The following MYO3B variants were observed in gnomAD, a reference collection of about 807,000 sequenced individuals.
MYO3B encodes the protein myosin-IIIb.
In MYO3B, 156 loss-of-function variants were observed where a neutral mutation model predicts 174.6. That is an observed-to-expected ratio of 0.89 (90% CI 0.78 to 1.02). The LOEUF (loss-of-function observed/expected upper bound fraction) is 1.02. Ranked by LOEUF, MYO3B falls within the 50% of genes least tolerant of loss-of-function variation. The pLI is 0.00. For missense variants in MYO3B, 1,632 were observed against 1,639.4 expected, an observed-to-expected ratio of 1.00 and a Z score of 0.08; for synonymous variants, 563 against 569.1, an observed-to-expected ratio of 0.99 and a Z score of 0.15.
chr2:170,254,692 T>C (rs1410202949), intron 7 of MYO3B, among the ~76,000 whole-genome samples: 1 of 152,136 alleles, frequency 6.6e-6, no homozygotes, highest in East Asian at 1.9e-4. Context: ...TGAGCTGAGA[T>C]CTGTGGCCAG....
intron 3 of MYO3B, among the ~76,000 whole-genome samples, chr2:170,210,081 C>G (rs966178570): frequency 1.3e-5 from 2 of 152,084 alleles, no homozygotes; most frequent in African/African-American, 4.8e-5. Context: ...TTTATTTTGC[C>G]AAACGATGAC....
At chr2:170,516,516 A>G (rs572819276) in intron 29 of MYO3B, among the ~76,000 whole-genome samples, 102 of 151,890 alleles carry the variant, frequency 6.7e-4, no homozygotes, top group African/African-American at 2.4e-3. Flanking sequence ...GGCGGCAGGC[A>G]CCTGTAGTCC....
At chr2:170,351,911 G>C (rs961206861) in intron 8 of MYO3B, among the ~76,000 whole-genome samples, 1 of 152,196 alleles carries the variant, frequency 6.6e-6, no homozygotes, top group African/African-American at 2.4e-5. Context: ...ACAGCATCCA[G>C]TGTGTGATTT....
intron 23 of MYO3B, among the ~76,000 whole-genome samples, chr2:170,453,773 C>T (rs955687592): frequency 1.3e-5 from 2 of 152,172 alleles, no homozygotes; most frequent in South Asian, 2.1e-4. Flanking sequence ...GCAAAATACC[C>T]GTAACAAAAC....
chr2:170,442,408 G>A (rs2094807292), intron 22 of MYO3B, among the ~76,000 whole-genome samples: 1 of 151,352 alleles, frequency 6.6e-6, no homozygotes, highest in Admixed American at 6.6e-5. Context: ...TTTGCCCTTT[G>A]AGTATCTTCT....
At chr2:170,488,730 A>G (rs1200694934) in intron 25 of MYO3B, among the ~76,000 whole-genome samples, 1 of 152,158 alleles carries the variant, frequency 6.6e-6, no homozygotes, top group South Asian at 2.1e-4. Context: ...CAGAATTTAC[A>G]TATCTATTTA....
chr2:170,245,061 G>A (rs1177029316), intron 7 of MYO3B, among the ~76,000 whole-genome samples: 3 of 152,148 alleles, frequency 2.0e-5, no homozygotes, highest in South Asian at 2.1e-4. Context: ...CACTGACTGC[G>A]GGAAGTTCTG....
intron 7 of MYO3B, among the ~76,000 whole-genome samples, chr2:170,237,883 T>G (rs1457247986): frequency 6.6e-6 from 1 of 152,232 alleles, no homozygotes; most frequent in Non-Finnish European, 1.5e-5. Context: ...CTAGGCAATG[T>G]CAGCAATAAT....
intron 3 of MYO3B, among the ~76,000 whole-genome samples, chr2:170,201,337 C>T (rs1351195669): frequency 6.6e-6 from 1 of 152,212 alleles, no homozygotes; most frequent in Admixed American, 6.5e-5. Context: ...GCTCATGTCT[C>T]CATGTCTGAG....
chr2:170,646,349 A>G (rs529057507), intron 32 of MYO3B, among the ~76,000 whole-genome samples: 1 of 151,502 alleles, frequency 6.6e-6, no homozygotes, highest in East Asian at 1.9e-4. Flanking sequence ...CTTCATTGCA[A>G]CGTATTCCTT....
intron 27 of MYO3B, among the ~76,000 whole-genome samples, chr2:170,500,276 A>G (rs1439638476): frequency 6.6e-6 from 1 of 152,218 alleles, no homozygotes; most frequent in Admixed American, 6.5e-5. Context: ...GGATGTAGAT[A>G]GTTTTAAGGG....
Position 170,189,506 on chromosome 2 carries a change from CT to C in MYO3B, c.3-9694del, listed in dbSNP as rs898246975. On this transcript the variant is annotated intron_variant, in intron 1 of 34. Coordinates refer to ENST00000408978, the MANE Select transcript of MYO3B (RefSeq NM_138995.5). The stretch of plus-strand genomic sequence containing the variant: ...TTTCTAGATCTTATAAGTGTGAGTT[CT>C]TTTTTTTATTTTTCATTTTTCTTTT... 1.3e-3 allele frequency among the ~76,000 whole-genome samples: 193 copies of C among 151,556 alleles called. 1 individual carries two copies. Among genetic ancestry groups the C allele is most frequent in the African/African-American group, 4.3e-3 (176 of 41,382 alleles).
chr2:170,190,403 T>C (rs2092525700), intron 1 of MYO3B, among the ~76,000 whole-genome samples: 2 of 152,282 alleles, frequency 1.3e-5, no homozygotes, highest in South Asian at 4.1e-4. Context: ...CAGCAGGTGA[T>C]GAAGCCAGCT....
rs958309032 is a variant in MYO3B, at chr2:170,653,329, C to A, written c.*208C>A. The A allele has an allele frequency of 1.5e-5, 9 of 584,722 alleles. No individual in the cohort carries two copies. In the African/African-American group the frequency reaches 1.7e-4, roughly 11 times the overall value. The allele number at this position is 584,722 out of a possible 1,614,324, so 36.2% of individuals were successfully genotyped here. On this transcript the variant is annotated 3_prime_UTR_variant, in exon 35 of 35. Coordinates refer to ENST00000408978, the MANE Select transcript of MYO3B (RefSeq NM_138995.5). ...CATGTGTTGTGCAGCCTGAGCTGGGCGCTGCCTTCCTTTCTCATCCCATGG... is the reference window on the plus strand; with the variant it reads ...CATGTGTTGTGCAGCCTGAGCTGGGAGCTGCCTTCCTTTCTCATCCCATGG...
chr2:170,613,037 C>T (rs1324035582), intron 32 of MYO3B, among the ~76,000 whole-genome samples: 4 of 152,114 alleles, frequency 2.6e-5, no homozygotes, highest in East Asian at 1.9e-4. Flanking sequence ...CCTGAGCAGG[C>T]GACTCTGGTA....
rs367962252 is a variant in MYO3B, at chr2:170,543,951, G to A, written c.3696G>A (p.Gln1232=). The A allele has an allele frequency of 2.5e-6, 4 of 1,613,264 alleles. No individual in the cohort carries two copies. Among genetic ancestry groups the A allele is most frequent in the Non-Finnish European group, 3.4e-6 (4 of 1,179,364 alleles). Residue 1232 remains glutamine (Q), a synonymous_variant, in exon 32 of 35, where the codon CAG becomes CAA. Transcript: ENST00000408978. The stretch of plus-strand genomic sequence containing the variant: ...GGATATGCCATCCTGCTCCAGATCA[G>A]CAAGGATTGAGTCTCTGGGGAGCCC... ...SSRICHPAPD[Q]QGLSLWGAPQ...
chr2:170,303,823 T>A (rs2093682031), intron 7 of MYO3B, among the ~76,000 whole-genome samples: 1 of 152,132 alleles, frequency 6.6e-6, no homozygotes, highest in African/African-American at 2.4e-5. Flanking sequence ...TAATATATAT[T>A]AATATGCAAT....
In MYO3B at chr2:170,649,242, T is replaced by A. The variant is rs868449992; in HGVS notation, c.3734-2386T>A. On this transcript the variant is annotated intron_variant, in intron 32 of 34. Transcript: ENST00000408978. ...TATATTATATATAAAATAATATATA[T>A]TATATATAAAATAATATATAATATA... Among the ~76,000 whole-genome samples, 363 of 44,424 alleles carry A rather than the reference T, an allele frequency of 8.2e-3. 48 individuals carry two copies. Among genetic ancestry groups the A allele is most frequent in the Non-Finnish European group, 0.01 (277 of 27,034 alleles). 29.1% of individuals were successfully genotyped at this position (44,424 alleles called of 152,430 possible).
At chr2:170,188,952 C>G (rs890848484) in intron 1 of MYO3B, among the ~76,000 whole-genome samples, 7 of 152,034 alleles carry the variant, frequency 4.6e-5, no homozygotes, top group African/African-American at 7.2e-5. Context: ...AGTTTTGTAC[C>G]TTCAAATAAT....
Sources: allele counts gnomAD v4.1 joint callset (sites outside exome capture counted in the v4.1 genomes callset), GRCh38; gene constraint gnomAD v4.1.1; transcripts MANE v1.5; gene names NCBI Gene and HGNC (gene_info 2026-07-23, HGNC 2026-07-21).